The following USP49 variants were observed in gnomAD, a reference collection of about 807,000 sequenced individuals.
The protein encoded by USP49 is ubiquitin carboxyl-terminal hydrolase 49.
In USP49, 24 loss-of-function variants were observed where a neutral mutation model predicts 58.6. The observed-to-expected ratio is 0.41, with a 90% CI of 0.30 to 0.58. The LOEUF (loss-of-function observed/expected upper bound fraction) is 0.58. USP49 is among the 20% of genes least tolerant of loss of function. The pLI, the probability that USP49 is intolerant of heterozygous loss-of-function variation, is 0.30. For missense variants in USP49, 703 were observed against 866.1 expected (o/e 0.81, Z 2.36); for synonymous variants, 408 against 365.1 (o/e 1.12, Z -1.34).
At chr6:41,865,186 A>G (rs1038248567) in intron 3 of USP49, among the ~76,000 whole-genome samples, 2 of 152,084 alleles carry the variant, frequency 1.3e-5, no homozygotes, top group Non-Finnish European at 2.9e-5. Context: ...CTAGGATTAC[A>G]GGCACCCGCC....
chr6:41,891,124 G>A (rs1774804205), intron 2 of USP49, among the ~76,000 whole-genome samples: 1 of 152,164 alleles, frequency 6.6e-6, no homozygotes. Flanking sequence ...TTTAAAGATT[G>A]GCAAACAAGA....
intron 3 of USP49, among the ~76,000 whole-genome samples, chr6:41,851,020 A>C (rs1230777966): frequency 1.3e-5 from 2 of 152,216 alleles, no homozygotes; most frequent in African/African-American, 4.8e-5. Flanking sequence ...CCAACAAAGA[A>C]AAGCCCAGGA....
intron 1 of USP49, among the ~76,000 whole-genome samples, chr6:41,893,037 A>G (rs899478742): frequency 5.9e-5 from 9 of 152,236 alleles, no homozygotes; most frequent in Non-Finnish European, 1.3e-4. Context: ...CTAGAAAATT[A>G]GTATTAATCT....
chr6:41,864,517 C>T (rs1430738252), intron 3 of USP49, among the ~76,000 whole-genome samples: 1 of 152,068 alleles, frequency 6.6e-6, no homozygotes, highest in African/African-American at 2.4e-5. Context: ...GAGCTGAGAT[C>T]GCGCCACTAC....
At chr6:41,843,803 G>C (rs1773871203) in intron 3 of USP49, among the ~76,000 whole-genome samples, 1 of 152,046 alleles carries the variant, frequency 6.6e-6, no homozygotes, top group African/African-American at 2.4e-5. Flanking sequence ...CAGCACTTTG[G>C]GAAGCTGCGG....
chr6:41,873,984 T>C (rs1774459244), intron 2 of USP49: 1 of 152,180 alleles, frequency 6.6e-6, no homozygotes, highest in Non-Finnish European at 1.5e-5. Flanking sequence ...ATAAAACAAA[T>C]CACTACAGTA....
intron 5 of USP49, among the ~76,000 whole-genome samples, chr6:41,802,337 GA>G (rs1352485776): frequency 9.2e-4 from 137 of 149,618 alleles, no homozygotes; most frequent in African/African-American, 3.0e-3. Context: ...CCTGACTTTT[GA>G]TTTTTGTTCT....
chr6:41,794,737 A>G lies in USP49; in HGVS notation c.*1796T>C. ...TATACAAAGAAGCCTGCAGTAGACA[A>G]TATAAACCAAACAGCATAAAAAATG... On this transcript the variant is annotated 3_prime_UTR_variant, in exon 8 of 8. Coordinates refer to ENST00000682992, the MANE Select transcript of USP49 (RefSeq NM_001286554.2). 6.6e-6 allele frequency: 1 copy of G among 152,252 alleles called. No homozygotes were observed. The highest frequency in any genetic ancestry group is 1.5e-5 in the Non-Finnish European group (1 of 68,042). 9.4% of individuals were successfully genotyped at this position (152,252 alleles called of 1,614,324 possible).
intron 3 of USP49, among the ~76,000 whole-genome samples, chr6:41,820,523 G>C (rs1773435313): frequency 6.6e-6 from 1 of 151,518 alleles, no homozygotes; most frequent in Non-Finnish European, 1.5e-5. Context: ...ATTTATAGGT[G>C]AAATATTAAT....
At chr6:41,821,676 A>G (rs1236643106) in intron 3 of USP49, among the ~76,000 whole-genome samples, 1 of 152,124 alleles carries the variant, frequency 6.6e-6, no homozygotes, top group Non-Finnish European at 1.5e-5. Flanking sequence ...CTGGAGGCTG[A>G]GGCAGGAGAA....
intron 3 of USP49, among the ~76,000 whole-genome samples, chr6:41,847,977 C>T (rs1231861592): frequency 6.6e-6 from 1 of 152,134 alleles, no homozygotes; most frequent in African/African-American, 2.4e-5. Flanking sequence ...CATAAAGACA[C>T]ATTATAATTA....
chr6:41,828,721 C>T lies in USP49; in HGVS notation c.-28-21710G>A, dbSNP rs574678335. Among the ~76,000 whole-genome samples the T allele has an allele frequency of 2.6e-5, 4 of 152,250 alleles. No individual in the cohort carries two copies. In the South Asian group the frequency reaches 8.3e-4, roughly 32 times the overall value. On this transcript the variant is annotated intron_variant, in intron 3 of 7. Transcript: ENST00000682992. ...TCATACATAAGATTTACAGTTAATA[C>T]AATCATATGACGCATCTTATAATTT... is the stretch of plus-strand genomic sequence containing the variant.
intron 5 of USP49, among the ~76,000 whole-genome samples, chr6:41,802,407 T>TTTTTATTTTATTTTA (rs1226537417): frequency 0.031 from 2,351 of 75,866 alleles, 77 homozygotes; most frequent in East Asian, 0.079. Context: ...TTTATTTTAT[T>TTTTTATTTTATTTTA]TTTTATTTTA....
chr6:41,879,676 G>A (rs1322548132), intron 2 of USP49, among the ~76,000 whole-genome samples: 1 of 152,134 alleles, frequency 6.6e-6, no homozygotes, highest in East Asian at 1.9e-4. Context: ...AGGCCCACCA[G>A]TCTAAAAAAG....
intron 3 of USP49, among the ~76,000 whole-genome samples, chr6:41,813,213 C>T (rs1001625498): frequency 1.3e-5 from 2 of 152,130 alleles, no homozygotes; most frequent in Non-Finnish European, 2.9e-5. Flanking sequence ...GTGTCCTTTC[C>T]TTCGAAAGAT....
At chr6:41,848,661 A>T (rs974038150) in intron 3 of USP49, among the ~76,000 whole-genome samples, 5 of 151,948 alleles carry the variant, frequency 3.3e-5, no homozygotes, top group African/African-American at 1.2e-4. Flanking sequence ...GATTGACACC[A>T]TCCTGGCTAA....
At chr6:41,893,334 T>C (rs1455874362) in intron 1 of USP49, among the ~76,000 whole-genome samples, 1 of 152,144 alleles carries the variant, frequency 6.6e-6, no homozygotes, top group African/African-American at 2.4e-5. Context: ...ATTTAATCTC[T>C]CCCCCAGTAA....
At chr6:41,856,078 G>A (rs1278084535) in intron 3 of USP49, among the ~76,000 whole-genome samples, 1 of 140,624 alleles carries the variant, frequency 7.1e-6, no homozygotes, top group Non-Finnish European at 1.5e-5. Context: ...ATAAATAAAA[G>A]CATGTAATAT....
At chr6:41,812,912 C>G (rs1482728585) in intron 3 of USP49, among the ~76,000 whole-genome samples, 1 of 151,968 alleles carries the variant, frequency 6.6e-6, no homozygotes, top group African/African-American at 2.4e-5. Flanking sequence ...ATATATATCA[C>G]TGATATATTG....
Sources: gnomAD v4.1 joint callset for allele counts (sites outside exome capture counted in the v4.1 genomes callset) on GRCh38, gnomAD v4.1.1 for gene constraint, MANE v1.5 for transcripts, NCBI Gene and HGNC (gene_info 2026-07-23, HGNC 2026-07-21) for gene names.